The following THADA variants were observed in gnomAD, a reference collection of about 807,000 sequenced individuals.
The protein encoded by THADA is tRNA (32-2'-O)-methyltransferase regulator THADA.
A neutral mutation model predicts 219.8 loss-of-function variants in THADA; 213 were observed. That is an observed-to-expected ratio of 0.97 (90% CI 0.87 to 1.09). The LOEUF (loss-of-function observed/expected upper bound fraction) is 1.09, where lower values mean the gene tolerates loss of function less well. Ranked by LOEUF, THADA falls within the 50% of genes least tolerant of loss-of-function variation. The pLI is 0.00. For synonymous variants in THADA, 1,018 were observed against 828.9 expected (o/e 1.23, Z -3.92); for missense variants, 2,956 against 2,311.3 (o/e 1.28, Z -5.72).
intron 36 of THADA, among the ~76,000 whole-genome samples, chr2:43,254,006 T>A (rs1670064720): frequency 6.6e-6 from 1 of 151,992 alleles, no homozygotes; most frequent in Non-Finnish European, 1.5e-5. Flanking sequence ...TTTTAGTCCA[T>A]GTGGTTTGGG....
At chr2:43,331,335 G>A (rs1279958982) in intron 30 of THADA, among the ~76,000 whole-genome samples, 1 of 152,210 alleles carries the variant, frequency 6.6e-6, no homozygotes, top group Non-Finnish European at 1.5e-5. Context: ...GCTTCCAGGT[G>A]ACAAGGACTG....
At chr2:43,323,469 C>A (rs951684022) in intron 30 of THADA, among the ~76,000 whole-genome samples, 1 of 152,172 alleles carries the variant, frequency 6.6e-6, no homozygotes, top group Admixed American at 6.5e-5. Flanking sequence ...AGCCCACAGT[C>A]TATAAAAACT....
At chr2:43,341,304 T>A (rs1667037116) in intron 30 of THADA, among the ~76,000 whole-genome samples, 1 of 152,200 alleles carries the variant, frequency 6.6e-6, no homozygotes, top group Non-Finnish European at 1.5e-5. Context: ...AGTGATTCAT[T>A]CCTTTGTCTT....
intron 26 of THADA, among the ~76,000 whole-genome samples, chr2:43,470,360 G>A (rs958677680): frequency 1.7e-4 from 26 of 151,888 alleles, no homozygotes; most frequent in Admixed American, 3.3e-4. Flanking sequence ...CATTTTATAC[G>A]TAAAGATGCT....
Position 43,385,459 on chromosome 2 carries a change from T to C in THADA, c.4227+12512A>G, listed in dbSNP as rs113290760. 6.6e-3 allele frequency among the ~76,000 whole-genome samples: 1,008 copies of C among 151,908 alleles called. 14 individuals are homozygous for C. Among genetic ancestry groups the C allele is most frequent in the African/African-American group, 0.023 (959 of 41,444 alleles). Reference sequence around the variant, plus strand: ...GTCTCTACTAAAAATACAAAAAAATTAGCCGGGTGTGGTGGCGGATGCCTG... The same window carrying C: ...GTCTCTACTAAAAATACAAAAAAATCAGCCGGGTGTGGTGGCGGATGCCTG... On this transcript the variant is annotated intron_variant, in intron 29 of 37. Coordinates refer to ENST00000405975, the MANE Select transcript of THADA (RefSeq NM_022065.5).
At chr2:43,476,176 C>A (rs887539844) in intron 26 of THADA, among the ~76,000 whole-genome samples, 1 of 152,130 alleles carries the variant, frequency 6.6e-6, no homozygotes, top group African/African-American at 2.4e-5. Flanking sequence ...CTCTGGCCAA[C>A]AAGATATGAA....
At chr2:43,528,089 C>A in intron 21 of THADA, 101 bp from the exon 22 acceptor site, 47 of 524,366 alleles carry the variant, frequency 9.0e-5, no homozygotes, top group Middle Eastern at 4.9e-4. Context: ...GGGGTCCATT[C>A]ATTTAGCGCT....
At chr2:43,428,666 CTTTTTTT>C (rs555811213) in intron 27 of THADA, among the ~76,000 whole-genome samples, 2 of 149,436 alleles carry the variant, frequency 1.3e-5, no homozygotes, top group African/African-American at 2.5e-5. Flanking sequence ...TTCCTTTTTT[CTTTTTTT>C]TTTCTACGTT....
At chr2:43,385,657 C>T (rs1435273412) in intron 29 of THADA, among the ~76,000 whole-genome samples, 5 of 147,796 alleles carry the variant, frequency 3.4e-5, no homozygotes, top group Non-Finnish European at 7.5e-5. Context: ...TAAAGTCTAT[C>T]TGCTATAAAT....
At chr2:43,441,041 G>C (rs1680782542) in intron 26 of THADA, among the ~76,000 whole-genome samples, 1 of 152,162 alleles carries the variant, frequency 6.6e-6, no homozygotes, top group Admixed American at 6.5e-5. Context: ...TAATTGTTTT[G>C]TTTTTAAGAG....
intron 15 of THADA, among the ~76,000 whole-genome samples, chr2:43,560,693 A>T (rs1244315556): frequency 6.6e-6 from 1 of 152,172 alleles, no homozygotes; most frequent in East Asian, 1.9e-4. Context: ...ACATCTTTTT[A>T]AAAATCCTAA....
chr2:43,306,024 G>A (rs1354293097), intron 31 of THADA, among the ~76,000 whole-genome samples: 3 of 114,470 alleles, frequency 2.6e-5, no homozygotes, highest in East Asian at 3.0e-4. Flanking sequence ...TCTTACTCTT[G>A]TTACCACGCC....
intron 26 of THADA, among the ~76,000 whole-genome samples, chr2:43,464,007 C>A (rs1195995669): frequency 6.6e-6 from 1 of 152,072 alleles, no homozygotes; most frequent in African/African-American, 2.4e-5. Flanking sequence ...AGATCATTTA[C>A]AACAATATTA....
intron 34 of THADA, among the ~76,000 whole-genome samples, chr2:43,290,025 G>T (rs1253280703): frequency 6.9e-6 from 1 of 144,808 alleles, no homozygotes; most frequent in Non-Finnish European, 1.5e-5. Flanking sequence ...GCTCAGGCTG[G>T]AGTGCAGTGG....
intron 30 of THADA, among the ~76,000 whole-genome samples, chr2:43,341,635 G>C (rs930514459): frequency 6.6e-6 from 1 of 152,152 alleles, no homozygotes; most frequent in Non-Finnish European, 1.5e-5. Context: ...GCAAGCTAAG[G>C]GGGCAGAAAC....
At chr2:43,423,134 G>A (rs986918446) in intron 28 of THADA, among the ~76,000 whole-genome samples, 4 of 151,584 alleles carry the variant, frequency 2.6e-5, no homozygotes, top group Non-Finnish European at 5.9e-5. Flanking sequence ...CCCATTCAGA[G>A]GTAATGGTCT....
At chr2:43,337,242 G>A (rs1386024530) in intron 30 of THADA, among the ~76,000 whole-genome samples, 1 of 152,114 alleles carries the variant, frequency 6.6e-6, no homozygotes, top group African/African-American at 2.4e-5. Flanking sequence ...AAATGCTAAC[G>A]CAGGGCCATC....
intron 29 of THADA, among the ~76,000 whole-genome samples, chr2:43,388,519 G>C (rs1023093451): frequency 1.3e-5 from 2 of 152,136 alleles, no homozygotes; most frequent in African/African-American, 4.8e-5. Context: ...CATGATAAAA[G>C]AGTCCTTTGT....
chr2:43,292,088 G>C lies in THADA; in HGVS notation c.4937+16C>G. On this transcript the variant is annotated intron_variant, in intron 33 of 37. Coordinates refer to ENST00000405975, the MANE Select transcript of THADA (RefSeq NM_022065.5). ...TACATCTTACCAAGGTTGCACAGGA[G>C]GTTTTGGGGGCAAACCTTTCATTGG... 2.6e-6 allele frequency: 4 copies of C among 1,556,708 alleles called. No homozygotes were observed. Among genetic ancestry groups the C allele is most frequent in the Non-Finnish European group, 3.5e-6 (4 of 1,142,006 alleles).
Sources: gnomAD v4.1 joint callset for allele counts (sites outside exome capture counted in the v4.1 genomes callset) on GRCh38, gnomAD v4.1.1 for gene constraint, MANE v1.5 for transcripts, NCBI Gene and HGNC (gene_info 2026-07-23, HGNC 2026-07-21) for gene names.